Variants in TCEA1 observed in about 807,000 individuals in gnomAD.
TCEA1 encodes transcription elongation factor A1, also known as transcription elongation factor A protein 1.
TCEA1 carries 21 observed loss-of-function variants against 43.8 expected under a neutral mutation model. The observed-to-expected ratio is 0.48, with a 90% CI of 0.34 to 0.69. The LOEUF (loss-of-function observed/expected upper bound fraction) is 0.69. Among genes scored for constraint, TCEA1 ranks in the 30% least tolerant of loss-of-function variants. The pLI, the probability that TCEA1 is intolerant of heterozygous loss-of-function variation, is 0.01. For synonymous variants in TCEA1, 104 were observed against 117.5 expected, an observed-to-expected ratio of 0.88 and a Z score of 0.75; for missense variants, 250 against 365.1, an observed-to-expected ratio of 0.68 and a Z score of 2.57.
At chr8:53,972,905 C>T (rs536308614) in intron 8 of TCEA1, 84 of 681,790 alleles carry the variant, frequency 1.2e-4, no homozygotes, top group Non-Finnish European at 1.9e-4. Flanking sequence ...AGCCGAAGGA[C>T]GTAGCCTCAG....
intron 7 of TCEA1, among the ~76,000 whole-genome samples, chr8:53,980,010 C>T (rs983109952): frequency 6.6e-6 from 1 of 152,190 alleles, no homozygotes; most frequent in Non-Finnish European, 1.5e-5. Context: ...TGAGTAATAA[C>T]TTCGTCTCCT....
At chr8:53,997,442 G>A (rs1313724473) in intron 3 of TCEA1, among the ~76,000 whole-genome samples, 3 of 152,252 alleles carry the variant, frequency 2.0e-5, no homozygotes, top group East Asian at 1.9e-4. Context: ...ACACTATACA[G>A]TGTGGCTTTG....
At chr8:53,994,762 T>C (rs1803996240) in intron 3 of TCEA1, among the ~76,000 whole-genome samples, 1 of 151,902 alleles carries the variant, frequency 6.6e-6, no homozygotes, top group South Asian at 2.1e-4. Flanking sequence ...TCCCAGCTAC[T>C]CAGGAGGCTG....
chr8:53,987,084 T>C (rs1208443622), intron 5 of TCEA1, 59 bp from the exon 6 acceptor site: 3 of 1,357,050 alleles, frequency 2.2e-6, no homozygotes, highest in African/African-American at 1.5e-5. Context: ...AAAATTCTAA[T>C]ACCAGGTAAT....
At chr8:53,992,698 G>A (rs1464306439) in intron 4 of TCEA1, among the ~76,000 whole-genome samples, 2 of 152,176 alleles carry the variant, frequency 1.3e-5, no homozygotes, top group African/African-American at 4.8e-5. Context: ...CTAACAAGCT[G>A]TCAGGTTCTC....
chr8:54,005,836 C>A (rs1051503628), intron 2 of TCEA1, among the ~76,000 whole-genome samples: 2 of 152,208 alleles, frequency 1.3e-5, no homozygotes, highest in Non-Finnish European at 1.5e-5. Flanking sequence ...CTGCCTAACA[C>A]CTTTCAGTAG....
chr8:53,980,596 T>C (rs1277672178), intron 7 of TCEA1, among the ~76,000 whole-genome samples: 1 of 152,184 alleles, frequency 6.6e-6, no homozygotes, highest in East Asian at 1.9e-4. Context: ...ACCACTAACT[T>C]TGACCACATA....
intron 8 of TCEA1, 120 bp from the exon 9 acceptor site, chr8:53,970,583 G>C (rs1484387324): frequency 1.7e-6 from 1 of 577,338 alleles, no homozygotes; most frequent in African/African-American, 1.9e-5. Context: ...AAAATGAATA[G>C]AAGTCTGAAA....
intron 1 of TCEA1, among the ~76,000 whole-genome samples, chr8:54,019,543 C>A (rs1804955281): frequency 6.8e-6 from 1 of 147,338 alleles, no homozygotes; most frequent in African/African-American, 2.5e-5. Context: ...GCACTCTAGC[C>A]TGGGTAACAG....
chr8:53,995,345 G>C (rs1407978745), intron 3 of TCEA1, among the ~76,000 whole-genome samples: 1 of 147,944 alleles, frequency 6.8e-6, no homozygotes, highest in Non-Finnish European at 1.5e-5. Flanking sequence ...TGTAGTCCCA[G>C]CCACTCAGGA....
intron 2 of TCEA1, among the ~76,000 whole-genome samples, chr8:54,003,938 T>TA (rs879533018): frequency 1.8e-4 from 26 of 143,976 alleles, no homozygotes; most frequent in Non-Finnish European, 2.3e-4. Context: ...ACAACTCGAT[T>TA]AAAAAAAAAA....
At chr8:53,989,552 C>T (rs759206923) in intron 4 of TCEA1, among the ~76,000 whole-genome samples, 3 of 152,192 alleles carry the variant, frequency 2.0e-5, no homozygotes, top group Non-Finnish European at 4.4e-5. Context: ...GAAGCCTTCA[C>T]TGATTTCCCC....
intron 8 of TCEA1, chr8:53,973,089 A>G (rs1194938907): frequency 6.1e-6 from 4 of 659,644 alleles, no homozygotes; most frequent in Admixed American, 1.9e-5. Context: ...AGCTTCCTCT[A>G]GCGAAAATGA....
At chr8:54,016,366 G>A (rs1010483445) in intron 1 of TCEA1, among the ~76,000 whole-genome samples, 1 of 152,190 alleles carries the variant, frequency 6.6e-6, no homozygotes, top group African/African-American at 2.4e-5. Flanking sequence ...AGCTACTCGG[G>A]AGGCTGAGGC....
intron 8 of TCEA1, among the ~76,000 whole-genome samples, chr8:53,975,923 TAAA>T (rs1428616697): frequency 6.6e-6 from 1 of 152,010 alleles, no homozygotes; most frequent in Non-Finnish European, 1.5e-5. Flanking sequence ...TTTTAAAACT[TAAA>T]AAGAGAACTC....
Position 53,990,677 on chromosome 8 carries a change from T to G in TCEA1, c.321-2418A>C, listed in dbSNP as rs116046343. On this transcript the variant is annotated intron_variant, in intron 4 of 9. Transcript: ENST00000521604. ...CCACACCCAGCCAAAAACCCAGTTC[T>G]TAAACACTTTGATTAAATGCTTTTG... is the stretch of plus-strand genomic sequence containing the variant. Among the ~76,000 whole-genome samples, 307 of 152,298 alleles carry G rather than the reference T, an allele frequency of 2.0e-3. 1 individual carries two copies. The highest frequency in any genetic ancestry group is 7.1e-3 in the African/African-American group (295 of 41,560).
chr8:54,015,129 T>C (rs1001841273), intron 1 of TCEA1, among the ~76,000 whole-genome samples: 2 of 152,158 alleles, frequency 1.3e-5, no homozygotes, highest in South Asian at 2.1e-4. Context: ...GTCTTCTTCA[T>C]AGGCATTATT....
chr8:54,004,280 C>A (rs940698606), intron 2 of TCEA1, among the ~76,000 whole-genome samples: 5 of 152,026 alleles, frequency 3.3e-5, no homozygotes, highest in African/African-American at 1.2e-4. Flanking sequence ...ATACCATTCC[C>A]AGGTATCTAC....
At chr8:53,998,527 A>G (rs1350421029) in intron 3 of TCEA1, among the ~76,000 whole-genome samples, 6 of 152,192 alleles carry the variant, frequency 3.9e-5, no homozygotes, top group Admixed American at 3.9e-4. Flanking sequence ...CACACATAAA[A>G]TTTTAAAGCA....
Sources: gnomAD v4.1 joint callset for allele counts (sites outside exome capture counted in the v4.1 genomes callset) on GRCh38, gnomAD v4.1.1 for gene constraint, MANE v1.5 for transcripts, NCBI Gene and HGNC (gene_info 2026-07-23, HGNC 2026-07-21) for gene names.